The following ZNF678 variants were observed in gnomAD, a reference collection of about 807,000 sequenced individuals.
ZNF678 encodes zinc finger protein 678.
ZNF678 carries 5 observed loss-of-function variants against 3.0 expected under a neutral mutation model. That is an observed-to-expected ratio of 1.69 (90% CI 0.88 to 3.56). The LOEUF (loss-of-function observed/expected upper bound fraction) is 3.56, where lower values mean the gene tolerates loss of function less well. ZNF678 is among the 30% of genes most tolerant of loss of function. The pLI, the probability that ZNF678 is intolerant of heterozygous loss-of-function variation, is 0.00. For missense variants in ZNF678, 593 were observed against 605.0 expected (o/e 0.98, Z 0.21); for synonymous variants, 218 against 199.6 (o/e 1.09, Z -0.78).
intron 1 of ZNF678, among the ~76,000 whole-genome samples, chr1:227,620,931 C>T (rs1447754355): frequency 3.3e-5 from 5 of 151,850 alleles, no homozygotes; most frequent in African/African-American, 1.2e-4. Flanking sequence ...TGGGTCTGAT[C>T]ATTAGAGGTA....
chr1:227,607,835 T>C (rs1226564530), intron 1 of ZNF678, among the ~76,000 whole-genome samples: 1 of 149,152 alleles, frequency 6.7e-6, no homozygotes, highest in Non-Finnish European at 1.5e-5. Context: ...TATTTAGTTA[T>C]ATATAGCACA....
intron 1 of ZNF678, among the ~76,000 whole-genome samples, chr1:227,600,477 A>G (rs1317998555): frequency 6.6e-6 from 1 of 152,196 alleles, no homozygotes; most frequent in Non-Finnish European, 1.5e-5. Context: ...CTTTTTAGTA[A>G]TAGCCATTCC....
downstream of ZNF678, among the ~76,000 whole-genome samples, chr1:227,663,560 T>C (rs1659452575): frequency 6.6e-6 from 1 of 152,138 alleles, no homozygotes; most frequent in Non-Finnish European, 1.5e-5. Flanking sequence ...TACTCGTGTG[T>C]AAGGTATGGA....
At chr1:227,675,041 C>T (rs1330906601) in intron 5 of ZNF678, among the ~76,000 whole-genome samples, 2 of 152,132 alleles carry the variant, frequency 1.3e-5, no homozygotes, top group African/African-American at 4.8e-5. Flanking sequence ...TTATGACATT[C>T]ATTTGAACAT....
chr1:227,572,354 A>G (rs1376630770), intron 1 of ZNF678, among the ~76,000 whole-genome samples: 1 of 152,194 alleles, frequency 6.6e-6, no homozygotes, highest in Non-Finnish European at 1.5e-5. Context: ...CATGGTCTCA[A>G]AGTTCTTTGC....
At position 227,567,685 on chromosome 1, in the gene ZNF678, C is replaced by CT. The variant is rs547216977; in HGVS notation, c.-164+3971dup. Among the ~76,000 whole-genome samples the CT allele has an allele frequency of 9.6e-4, 141 of 147,114 alleles. 4 individuals are homozygous for CT. The East Asian group carries it at 0.017, about 18-fold the overall frequency. On this transcript the variant is annotated intron_variant, in intron 1 of 3. Coordinates refer to ENST00000343776, the MANE Select transcript of ZNF678 (RefSeq NM_001367909.1). Reference sequence around the variant, plus strand: ...TATTTACATAAAAAGTTACTTAATTCTTTTTTTTTTGATTTTTTATTTTTA... The same window carrying CT: ...TATTTACATAAAAAGTTACTTAATTCTTTTTTTTTTTGATTTTTTATTTTTA...
rs1318323048 is a variant in ZNF678 at position 227,646,537 on chromosome 1, C to CG, written c.-163-7_-163-6insG. 8 of 1,370,000 alleles carry CG rather than the reference C, an allele frequency of 5.8e-6. No homozygotes were observed. In the African/African-American group the frequency reaches 1.2e-4, roughly 20 times the overall value. The allele number at this position is 1,370,000 out of a possible 1,614,324, so 84.9% of individuals were successfully genotyped here. On this transcript the variant is annotated splice_polypyrimidine_tract_variant and splice_region_variant and intron_variant, in intron 1 of 3. Coordinates refer to ENST00000343776, the MANE Select transcript of ZNF678 (RefSeq NM_001367909.1). The stretch of plus-strand genomic sequence containing the variant: ...TGTAAATACGTGTGTATTTTTCCCC[C>CG]CCCCAGGGACTACTGGCATTCAGTG...
At chr1:227,601,647 C>T (rs1657741994) in intron 1 of ZNF678, among the ~76,000 whole-genome samples, 1 of 152,112 alleles carries the variant, frequency 6.6e-6, no homozygotes, top group Non-Finnish European at 1.5e-5. Flanking sequence ...TCATTGCAAC[C>T]TCCACCTCCC....
At chr1:227,627,994 G>A (rs551454880) in intron 1 of ZNF678, among the ~76,000 whole-genome samples, 11 of 152,356 alleles carry the variant, frequency 7.2e-5, no homozygotes, top group African/African-American at 2.6e-4. Context: ...AGTTGCACAA[G>A]TGCACAGTGG....
At chr1:227,641,184 T>C (rs1221864822) in intron 1 of ZNF678, among the ~76,000 whole-genome samples, 1 of 152,130 alleles carries the variant, frequency 6.6e-6, no homozygotes, top group African/African-American at 2.4e-5. Context: ...GAGGGGTAGG[T>C]CCACAGGTGC....
intron 5 of ZNF678, among the ~76,000 whole-genome samples, chr1:227,668,277 T>C (rs1659542348): frequency 6.6e-6 from 1 of 152,226 alleles, no homozygotes. Context: ...CGATTTAATT[T>C]CTATAATTAA....
At chr1:227,635,084 T>TC (rs1300466616) in intron 1 of ZNF678, among the ~76,000 whole-genome samples, 2 of 51,654 alleles carry the variant, frequency 3.9e-5, no homozygotes, top group African/African-American at 3.0e-4. Context: ...TGCCTGGTAA[T>TC]CAAAAAAAAA....
chr1:227,613,558 C>T (rs1287167143), intron 1 of ZNF678, among the ~76,000 whole-genome samples: 1 of 152,216 alleles, frequency 6.6e-6, no homozygotes, highest in Admixed American at 6.5e-5. Flanking sequence ...ACTCCAGAAT[C>T]AACCCTGGTT....
chr1:227,655,807 T>A lies in ZNF678; in HGVS notation c.1557T>A (p.Cys519Ter), dbSNP rs1659232813. ...RIYTGEEPDK[C>*]KKCGSL is the part of the protein sequence containing the mutation. ...ATACTGGAGAGGAACCTGACAAATG[T>A]AAAAAATGTGGCAGTCTTTAAAAAC... The change falls in exon 4 of 4, where the codon TGT becomes TGA. Residue 519 changes from cysteine to a stop codon, truncating the protein, a stop_gained. Coordinates refer to ENST00000343776, the MANE Select transcript of ZNF678 (RefSeq NM_001367909.1). LOFTEE classifies it high-confidence loss of function. The A allele has an allele frequency of 6.4e-7, 1 of 1,570,960 alleles. No individual in the cohort carries two copies. The highest frequency in any genetic ancestry group is 8.6e-7 in the Non-Finnish European group (1 of 1,163,228).
rs143403193 is a variant in ZNF678 at position 227,605,461 on chromosome 1, A to G, written c.-163-41083A>G. ...TATGACTTTTAAAGCAAAATTTTCC[A>G]GGACAATATTTAATAGATGTGGCAA... On this transcript the variant is annotated intron_variant, in intron 1 of 3. Transcript: ENST00000343776. 5.0e-3 allele frequency among the ~76,000 whole-genome samples: 765 copies of G among 152,342 alleles called. 3 individuals are homozygous for G. The highest frequency in any genetic ancestry group is 6.8e-3 in the Admixed American group (104 of 15,298).
intron 1 of ZNF678, among the ~76,000 whole-genome samples, chr1:227,567,523 C>T (rs748817678): frequency 4.6e-5 from 7 of 152,120 alleles, no homozygotes; most frequent in East Asian, 1.9e-4. Flanking sequence ...AGAGAAGCTA[C>T]GGATCTCCTG....
In ZNF678 at chr1:227,574,317, A is replaced by G. The variant is rs567716576; in HGVS notation, c.-164+10593A>G. 2.0e-5 allele frequency among the ~76,000 whole-genome samples: 3 copies of G among 152,260 alleles called. No homozygotes were observed. In the East Asian group the frequency reaches 5.8e-4, roughly 29 times the overall value. On this transcript the variant is annotated intron_variant, in intron 1 of 3. Coordinates refer to ENST00000343776, the MANE Select transcript of ZNF678 (RefSeq NM_001367909.1). ...GTGTATAAGGATCTTTTTCTCTGCA[A>G]CCGTGCCAGCATTTGTTACTTTTTG...
intron 1 of ZNF678, among the ~76,000 whole-genome samples, chr1:227,574,579 A>T (rs1656941236): frequency 6.6e-6 from 1 of 151,990 alleles, no homozygotes; most frequent in South Asian, 2.1e-4. Flanking sequence ...CCAGGTGCGT[A>T]GTTTGCAACA....
chr1:227,665,486 C>G (rs1402190890), downstream of ZNF678, among the ~76,000 whole-genome samples: 1 of 152,204 alleles, frequency 6.6e-6, no homozygotes, highest in East Asian at 1.9e-4. Context: ...AGATCAGCGT[C>G]TGGCATAATT....
Sources: allele counts gnomAD v4.1 joint callset (sites outside exome capture counted in the v4.1 genomes callset), GRCh38; gene constraint gnomAD v4.1.1; transcripts MANE v1.5; gene names NCBI Gene and HGNC (gene_info 2026-07-23, HGNC 2026-07-21).